Variants in SNX13 observed in about 807,000 individuals in gnomAD.
The protein encoded by SNX13 is sorting nexin-13.
Under a neutral mutation model 133.6 loss-of-function variants are expected in SNX13, and 45 were observed. The ratio of observed to expected loss-of-function variants is 0.34; its 90% confidence interval spans 0.27 to 0.43. The LOEUF (loss-of-function observed/expected upper bound fraction) is 0.43. Among genes scored for constraint, SNX13 ranks in the 20% least tolerant of loss-of-function variants. The pLI, the probability that SNX13 is intolerant of heterozygous loss-of-function variation, is 1.00. For synonymous variants in SNX13, 414 were observed against 373.9 expected, an observed-to-expected ratio of 1.11 and a Z score of -1.24; for missense variants, 1,032 against 1,145.1, an observed-to-expected ratio of 0.90 and a Z score of 1.43.
At chr7:17,916,781 T>C (rs550994868) in intron 1 of SNX13, among the ~76,000 whole-genome samples, 1 of 151,736 alleles carries the variant, frequency 6.6e-6, no homozygotes, top group East Asian at 1.9e-4. Flanking sequence ...TCAAAAAAAC[T>C]AGGAGGAGGG....
At chr7:17,905,653 TTGAAG>T (rs1457658344) in intron 1 of SNX13, among the ~76,000 whole-genome samples, 2 of 152,164 alleles carry the variant, frequency 1.3e-5, no homozygotes, top group Non-Finnish European at 2.9e-5. Context: ...AAACAAAAAC[TTGAAG>T]TGAACAAATA....
intron 19 of SNX13, 44 bp downstream of exon 19, chr7:17,816,138 T>C (rs1786631323): frequency 6.7e-7 from 1 of 1,492,328 alleles, no homozygotes; most frequent in Admixed American, 2.5e-5. Flanking sequence ...ACCTGTGTGC[T>C]ATATTAAATG....
chr7:17,901,504 C>T (rs1386297718), intron 1 of SNX13, among the ~76,000 whole-genome samples: 1 of 152,154 alleles, frequency 6.6e-6, no homozygotes, highest in Non-Finnish European at 1.5e-5. Context: ...GGGCAATTCC[C>T]TCTGCCTAGG....
At chr7:17,810,390 A>C (rs1785869936) in intron 20 of SNX13, among the ~76,000 whole-genome samples, 1 of 152,154 alleles carries the variant, frequency 6.6e-6, no homozygotes. Flanking sequence ...AAATTCCTAG[A>C]CACATCCACC....
intron 1 of SNX13, among the ~76,000 whole-genome samples, chr7:17,910,711 G>T (rs192132998): frequency 1.3e-5 from 2 of 152,256 alleles, no homozygotes; most frequent in African/African-American, 4.8e-5. Context: ...CTATAATTCA[G>T]CCATGAAAAG....
rs371876341 is a variant in SNX13, at chr7:17,895,370, A to G, written c.126-1936T>C. ...AAGTATCCTACAACAACAAAAACGAAAAATCCCCAAGTGTTTTTCTTTCCA... is the reference window on the plus strand; with the variant it reads ...AAGTATCCTACAACAACAAAAACGAGAAATCCCCAAGTGTTTTTCTTTCCA... On this transcript the variant is annotated intron_variant, in intron 2 of 25. Transcript: ENST00000428135. Among the ~76,000 whole-genome samples, 12 of 152,320 alleles carry G rather than the reference A, an allele frequency of 7.9e-5. No individual in the cohort carries two copies. In the East Asian group the frequency reaches 2.3e-3, roughly 29 times the overall value.
At position 17,902,248 on chromosome 7, in the gene SNX13, T is replaced by G. The variant is rs1185402235; in HGVS notation, c.13-4802A>C. 1.4e-3 allele frequency among the ~76,000 whole-genome samples: 206 copies of G among 149,666 alleles called. 1 individual carries two copies. Among genetic ancestry groups the G allele is most frequent in the Non-Finnish European group, 1.8e-3 (121 of 67,128 alleles). Reference sequence around the variant, plus strand: ...AACAGTCATTACTGTCATGGTTTTTTTTTTTTTTTTTTTTTTTAGAAAAAA... The same window carrying G: ...AACAGTCATTACTGTCATGGTTTTTGTTTTTTTTTTTTTTTTTAGAAAAAA... On this transcript the variant is annotated intron_variant, in intron 1 of 25. Transcript: ENST00000428135.
intron 11 of SNX13, 46 bp downstream of exon 11, chr7:17,850,301 G>C: frequency 7.7e-7 from 1 of 1,306,714 alleles, no homozygotes; most frequent in Non-Finnish European, 1.1e-6. Flanking sequence ...AATCCCTATA[G>C]TATAGTATTT....
chr7:17,840,223 T>G (rs1473049332), intron 12 of SNX13, among the ~76,000 whole-genome samples: 1 of 152,064 alleles, frequency 6.6e-6, no homozygotes, highest in Non-Finnish European at 1.5e-5. Context: ...TTTCAGAATT[T>G]TTTCAATCCC....
rs542175833 is a variant in SNX13 at position 17,828,490 on chromosome 7, T to G, written c.1635+1520A>C. ...AATGCTTGTAATTTACCTACCAAGCTACCAATGGCAAAATGAGTAAAATAC... is the reference window on the plus strand; with the variant it reads ...AATGCTTGTAATTTACCTACCAAGCGACCAATGGCAAAATGAGTAAAATAC... On this transcript the variant is annotated intron_variant, in intron 16 of 25. Coordinates refer to ENST00000428135, the MANE Select transcript of SNX13 (RefSeq NM_015132.5). Among the ~76,000 whole-genome samples, 33 of 151,820 alleles carry G rather than the reference T, an allele frequency of 2.2e-4. No homozygotes were observed. The South Asian group carries it at 6.6e-3, about 30-fold the overall frequency.
intron 1 of SNX13, among the ~76,000 whole-genome samples, chr7:17,932,962 G>A (rs1255512061): frequency 2.6e-5 from 4 of 152,148 alleles, no homozygotes; most frequent in African/African-American, 9.7e-5. Context: ...TCTGAGGACA[G>A]GTTTCCCAAC....
At chr7:17,814,276 G>A (rs989745549) in intron 20 of SNX13, among the ~76,000 whole-genome samples, 1 of 152,160 alleles carries the variant, frequency 6.6e-6, no homozygotes, top group Non-Finnish European at 1.5e-5. Flanking sequence ...CTAGTAAATA[G>A]TAGAGCAGGG....
At chr7:17,875,891 CTG>C (rs1459387410) in intron 5 of SNX13, 101 bp from the exon 6 acceptor site, 12 of 954,676 alleles carry the variant, frequency 1.3e-5, no homozygotes, top group Non-Finnish European at 1.8e-5. Flanking sequence ...TTATCTGAGA[CTG>C]TAAATTTAAA....
intron 5 of SNX13, among the ~76,000 whole-genome samples, chr7:17,878,519 AGT>A (rs1250396836): frequency 8.5e-5 from 13 of 152,142 alleles, no homozygotes; most frequent in Non-Finnish European, 1.5e-5. Context: ...AAAACTATAA[AGT>A]GTGTCTCTCT....
chr7:17,864,415 T>C (rs899735253), intron 9 of SNX13, among the ~76,000 whole-genome samples: 1 of 152,032 alleles, frequency 6.6e-6, no homozygotes, highest in South Asian at 2.1e-4. Flanking sequence ...GCAGAATTGG[T>C]CCAGCAAAAG....
intron 1 of SNX13, among the ~76,000 whole-genome samples, chr7:17,904,245 C>T (rs1798154937): frequency 6.6e-6 from 1 of 152,216 alleles, no homozygotes; most frequent in East Asian, 1.9e-4. Context: ...CGCTAACTTT[C>T]TGCATAACCT....
At chr7:17,899,025 T>C (rs1797528285) in intron 1 of SNX13, 1 of 152,254 alleles carries the variant, frequency 6.6e-6, no homozygotes. Context: ...TCTGACTTCC[T>C]TCTAAGAGCG....
intron 9 of SNX13, among the ~76,000 whole-genome samples, chr7:17,862,352 T>G (rs1410289517): frequency 1.3e-5 from 2 of 152,334 alleles, no homozygotes; most frequent in East Asian, 3.9e-4. Context: ...GAATTTTAAC[T>G]TAAATGTTTA....
intron 20 of SNX13, among the ~76,000 whole-genome samples, chr7:17,809,282 CAAAAAAAAAAAAAAAAA>C (rs535077123): frequency 6.1e-5 from 3 of 49,268 alleles, no homozygotes; most frequent in East Asian, 7.4e-4. Context: ...AGATGGAAAG[CAAAAAAAAAAAAAAAAA>C]AAAAAAAAGC....
Sources: gnomAD v4.1 joint callset for allele counts (sites outside exome capture counted in the v4.1 genomes callset) on GRCh38, gnomAD v4.1.1 for gene constraint, MANE v1.5 for transcripts, NCBI Gene and HGNC (gene_info 2026-07-23, HGNC 2026-07-21) for gene names.